Variants in NAV2 observed in about 807,000 individuals in gnomAD.
NAV2 encodes the protein helicase, APC down-regulated 1.
In NAV2, 54 loss-of-function variants were observed where a neutral mutation model predicts 223.2. That is an observed-to-expected ratio of 0.24 (90% CI 0.19 to 0.30). NAV2 has a LOEUF of 0.30. Ranked by LOEUF, NAV2 falls within the 10% of genes least tolerant of loss-of-function variation. The pLI is 1.00. For synonymous variants in NAV2, 1,279 were observed against 1,239.3 expected, an observed-to-expected ratio of 1.03 and a Z score of -0.67; for missense variants, 2,806 against 3,147.5, an observed-to-expected ratio of 0.89 and a Z score of 2.60.
chr11:20,049,629 C>T (rs2057778253), intron 15 of NAV2, among the ~76,000 whole-genome samples: 1 of 151,950 alleles, frequency 6.6e-6, no homozygotes, highest in African/African-American at 2.4e-5. Context: ...CAAACACCCT[C>T]CTCCTGGACT....
chr11:20,047,401 A>G (rs1001578949), intron 14 of NAV2, among the ~76,000 whole-genome samples: 26 of 152,318 alleles, frequency 1.7e-4, no homozygotes, highest in South Asian at 4.1e-4. Flanking sequence ...GGTGAATTTG[A>G]TAGATAACTC....
At chr11:19,978,863 C>T (rs1289992570) in intron 10 of NAV2, 4 of 152,088 alleles carry the variant, frequency 2.6e-5, no homozygotes, top group Non-Finnish European at 2.9e-5. Flanking sequence ...CACCTTTCGC[C>T]GCTTCTGAAG....
At position 19,419,519 on chromosome 11, in the gene NAV2, C is replaced by T. The variant is rs1007189041; in HGVS notation, c.75+68492C>T. Among the ~76,000 whole-genome samples the T allele has an allele frequency of 3.3e-5, 5 of 152,122 alleles. No homozygotes were observed. The East Asian group carries it at 5.8e-4, about 18-fold the overall frequency. ...GCTTTGCTTGGCATGAGAAAGGAACCGTGGCAGGTGGGGCTTCGAGACCCG... is the reference window on the plus strand; with the variant it reads ...GCTTTGCTTGGCATGAGAAAGGAACTGTGGCAGGTGGGGCTTCGAGACCCG... On this transcript the variant is annotated intron_variant, in intron 1 of 37. Transcript: ENST00000360655.
chr11:19,827,528 A>T (rs180975501), intron 1 of NAV2, among the ~76,000 whole-genome samples: 2 of 152,328 alleles, frequency 1.3e-5, no homozygotes, highest in Non-Finnish European at 2.9e-5. Flanking sequence ...CAAAGAACAG[A>T]AAGATTAGTA....
intron 6 of NAV2, among the ~76,000 whole-genome samples, chr11:19,895,328 C>T (rs1391665884): frequency 2.6e-5 from 4 of 152,062 alleles, no homozygotes; most frequent in Non-Finnish European, 5.9e-5. Flanking sequence ...CTGCCCGCCT[C>T]GGCCTGCCAA....
intron 20 of NAV2, among the ~76,000 whole-genome samples, chr11:20,063,600 C>A (rs970155021): frequency 1.3e-5 from 2 of 152,078 alleles, no homozygotes; most frequent in African/African-American, 4.8e-5. Flanking sequence ...TTCTTGAACT[C>A]CTGACCTCAA....
intron 1 of NAV2, among the ~76,000 whole-genome samples, chr11:19,831,225 G>GGT (rs1565392073): frequency 1.7e-5 from 1 of 59,916 alleles, no homozygotes; most frequent in African/African-American, 6.7e-5. Context: ...GAGTGTTGCG[G>GGT]GGGGGGGGGG....
intron 1 of NAV2, among the ~76,000 whole-genome samples, chr11:19,363,472 A>G (rs753405139): frequency 1.3e-5 from 2 of 152,194 alleles, no homozygotes; most frequent in Non-Finnish European, 2.9e-5. Flanking sequence ...TTTCCCTGAT[A>G]TCCCCCAGCT....
At chr11:19,877,486 T>TTTTCTTTTCTTTTTTTTTTTTTTC in intron 4 of NAV2, among the ~76,000 whole-genome samples, 1 of 141,612 alleles carries the variant, frequency 7.1e-6, no homozygotes, top group Non-Finnish European at 1.5e-5. Flanking sequence ...TTTTTTTTTT[T>TTTTCTTTTCTTTTTTTTTTTTTTC]TTTTGAGACA....
intron 1 of NAV2, among the ~76,000 whole-genome samples, chr11:19,558,953 G>T (rs569490868): frequency 6.6e-6 from 1 of 152,262 alleles, no homozygotes; most frequent in Non-Finnish European, 1.5e-5. Context: ...AGAACTAAAG[G>T]CCGTTCCCAG....
intron 10 of NAV2, among the ~76,000 whole-genome samples, chr11:19,977,707 T>C (rs1386987562): frequency 6.6e-6 from 1 of 152,172 alleles, no homozygotes; most frequent in East Asian, 1.9e-4. Context: ...GCCCTTTTTT[T>C]TTCCAGTCAT....
rs540699161 is a variant in NAV2, at chr11:19,499,656, A to T, written c.75+148629A>T. 2.0e-5 allele frequency among the ~76,000 whole-genome samples: 3 copies of T among 152,302 alleles called. No individual in the cohort carries two copies. In the South Asian group the frequency reaches 6.2e-4, roughly 32 times the overall value. ...TGGTTTCCCTGTCTATTAAATAGGG[A>T]TAAGCATAACACCCATCTTTCAGGG... On this transcript the variant is annotated intron_variant, in intron 1 of 37. Transcript: ENST00000360655.
rs1298452525 is a variant in NAV2, at chr11:19,898,540, A to G, written c.931+5946A>G. Reference sequence around the variant, plus strand: ...ACATAGGTCATTCTTTCTTCCTAATAGTCACATAATATTCCATTGTATGGA... The same window carrying G: ...ACATAGGTCATTCTTTCTTCCTAATGGTCACATAATATTCCATTGTATGGA... On this transcript the variant is annotated intron_variant, in intron 6 of 37. Coordinates refer to ENST00000349880, the MANE Select transcript of NAV2 (RefSeq NM_145117.5). 2.6e-5 allele frequency among the ~76,000 whole-genome samples: 4 copies of G among 152,232 alleles called. No individual in the cohort carries two copies. The East Asian group carries it at 7.7e-4, about 29-fold the overall frequency.
chr11:19,933,979 G>T lies in NAV2; in HGVS notation c.1735G>T (p.Ala579Ser). ...MKSMPGKSPS[A>S]PAPSKEGERS... ...AAGCATGCCCGGGAAATCCCCAAGT[G>T]CCCCAGCGCCTTCCAAGGAAGGGGA... Residue 579 changes from alanine (A) to serine (S), a missense_variant, in exon 7 of 38, where the codon GCC (alanine) becomes TCC (serine). Ala to Ser is a moderately conservative substitution (Grantham distance 99, BLOSUM62 1). Transcript: ENST00000349880. This position sits in a 1 kb window ranked among gnomAD's most constrained non-coding sequence, Gnocchi z 4.3. The T allele has an allele frequency of 6.3e-7, 1 of 1,595,914 alleles. No homozygotes were observed. The highest frequency in any genetic ancestry group is 8.5e-7 in the Non-Finnish European group (1 of 1,172,900).
chr11:19,566,463 A>G (rs2045273123), intron 1 of NAV2, among the ~76,000 whole-genome samples: 1 of 152,248 alleles, frequency 6.6e-6, no homozygotes, highest in African/African-American at 2.4e-5. Context: ...AAAGGAGACC[A>G]TGACTAAATT....
intron 11 of NAV2, among the ~76,000 whole-genome samples, chr11:20,014,442 C>T (rs1254084707): frequency 6.6e-6 from 1 of 152,196 alleles, no homozygotes; most frequent in African/African-American, 2.4e-5. Context: ...TCTTTTAAAT[C>T]TCCTTTAATT....
At chr11:19,354,321 C>A (rs1356620466) in intron 1 of NAV2, among the ~76,000 whole-genome samples, 1 of 152,212 alleles carries the variant, frequency 6.6e-6, no homozygotes, top group Non-Finnish European at 1.5e-5. Flanking sequence ...TAGCCACTAG[C>A]CATATCTGGC....
At chr11:20,050,342 A>G (rs953155002) in intron 16 of NAV2, among the ~76,000 whole-genome samples, 7 of 151,992 alleles carry the variant, frequency 4.6e-5, no homozygotes, top group Middle Eastern at 3.2e-3. Flanking sequence ...CTCCCTTTCA[A>G]AATCCTTTGC....
chr11:19,653,065 C>A (rs915053222), intron 1 of NAV2, among the ~76,000 whole-genome samples: 19 of 152,202 alleles, frequency 1.2e-4, no homozygotes, highest in Non-Finnish European at 2.5e-4. Context: ...CGGTAGCCAT[C>A]CTTTCTCCAT....
Sources: allele counts gnomAD v4.1 joint callset (sites outside exome capture counted in the v4.1 genomes callset), GRCh38; gene constraint gnomAD v4.1.1; non-coding constraint Gnocchi (gnomAD v3.1); transcripts MANE v1.5; gene names NCBI Gene and HGNC (gene_info 2026-07-23, HGNC 2026-07-21).